Variants in KAT8 observed in about 807,000 individuals in gnomAD.
KAT8 encodes lysine acetyltransferase 8.
KAT8 carries 40 observed loss-of-function variants against 62.9 expected under a neutral mutation model. The observed-to-expected ratio is 0.64, with a 90% CI of 0.49 to 0.83. The LOEUF is 0.83. Ranked by LOEUF, KAT8 falls within the 40% of genes least tolerant of loss-of-function variation. KAT8 has a pLI of 0.00. For missense variants in KAT8, 387 were observed against 614.8 expected (o/e 0.63, Z 3.92); for synonymous variants, 278 against 254.5 (o/e 1.09, Z -0.88).
intron 10 of KAT8, 68 bp from the exon 11 acceptor site, chr16:31,131,127 G>A (rs2057575642): frequency 6.3e-7 from 1 of 1,598,442 alleles, no homozygotes; most frequent in Non-Finnish European, 8.5e-7. Flanking sequence ...TGAGCCCAGA[G>A]GAGGGCAGCC....
chr16:31,119,654 T>C (rs2057478546), intron 1 of KAT8, among the ~76,000 whole-genome samples: 1 of 152,064 alleles, frequency 6.6e-6, no homozygotes, highest in South Asian at 2.1e-4. Context: ...GTTCTTTTTT[T>C]TGAGACAGAG....
intron 3 of KAT8, chr16:31,125,858 G>A (rs1219625238): frequency 2.6e-5 from 4 of 152,252 alleles, no homozygotes; most frequent in Admixed American, 2.0e-4. Context: ...GGAGCAGGAT[G>A]TGTTGTGAGT....
In KAT8 at chr16:31,120,383, C is replaced by T. The variant is rs1384063066; in HGVS notation, c.331C>T (p.Leu111=). 6.2e-7 allele frequency: 1 copy of T among 1,614,070 alleles called. No individual in the cohort carries two copies. The highest frequency in any genetic ancestry group is 1.1e-5 in the South Asian group (1 of 91,084). ...DEWVDKNRLA[L]TKTVKDAVQK... ...GTGGGTAGACAAGAACCGGCTGGCG[C>T]TGACCAAGACAGTGAAGGATGCTGT... Residue 111 remains leucine, a synonymous_variant, in exon 3 of 11, where the codon CTG becomes TTG. Coordinates refer to ENST00000219797, the MANE Select transcript of KAT8 (RefSeq NM_032188.3).
Position 31,130,094 on chromosome 16 carries a change from C to T in KAT8, c.849C>T (p.Phe283=), listed in dbSNP as rs2057563435. ...CACTGTACTTTGACGTGGAGCCGTTCGTCTTTTACATCCTGACTGAGGTGG... is the reference window on the plus strand; with the variant it reads ...CACTGTACTTTGACGTGGAGCCGTTTGTCTTTTACATCCTGACTGAGGTGG... ...HKTLYFDVEP[F]VFYILTEVDR... Residue 283 remains phenylalanine, a synonymous_variant, in exon 7 of 11, where the codon TTC becomes TTT. Coordinates refer to ENST00000219797, the MANE Select transcript of KAT8 (RefSeq NM_032188.3). 4 of 1,602,084 alleles carry T rather than the reference C, an allele frequency of 2.5e-6. No homozygotes were observed. Among genetic ancestry groups the T allele is most frequent in the Non-Finnish European group, 3.4e-6 (4 of 1,174,064 alleles).
At position 31,130,010 on chromosome 16, in the gene KAT8, AC is replaced by A; in HGVS notation, c.772-4del. ...CCTGAGCCTGTCTCCCCCCTCCTCA[AC>A]CCTAGATTTACTGTCAGAACCTGTG... is the stretch of plus-strand genomic sequence containing the variant. On this transcript the variant is annotated splice_polypyrimidine_tract_variant and splice_region_variant and intron_variant, in intron 6 of 10. Coordinates refer to ENST00000219797, the MANE Select transcript of KAT8 (RefSeq NM_032188.3). 1 of 1,613,614 alleles carries A rather than the reference AC, an allele frequency of 6.2e-7. No homozygotes were observed. Among genetic ancestry groups the A allele is most frequent in the Non-Finnish European group, 8.5e-7 (1 of 1,179,888 alleles).
chr16:31,118,118 C>T (rs901174875), intron 1 of KAT8: 7 of 399,194 alleles, frequency 1.8e-5, no homozygotes, highest in Non-Finnish European at 2.7e-5. Flanking sequence ...ACAAACCCAC[C>T]GCTCAGGCCT....
chr16:31,127,950 C>A (rs1411963418), intron 5 of KAT8, 100 bp from the exon 6 acceptor site: 2 of 814,868 alleles, frequency 2.5e-6, no homozygotes, highest in Admixed American at 3.8e-5. Flanking sequence ...AGGGGGGAAA[C>A]AGAGAGGCAG....
chr16:31,118,540 C>G (rs1173557639), intron 1 of KAT8: 2 of 152,228 alleles, frequency 1.3e-5, no homozygotes, highest in Non-Finnish European at 2.9e-5. Flanking sequence ...AGCTTCATAT[C>G]CTTTGTGATG....
intron 6 of KAT8, among the ~76,000 whole-genome samples, chr16:31,128,522 T>C (rs528245604): frequency 6.6e-6 from 1 of 151,608 alleles, no homozygotes; most frequent in South Asian, 2.1e-4. Context: ...TCCAGCCTGG[T>C]CGTCAGATTG....
chr16:31,125,603 CA>C (rs61022736), intron 3 of KAT8: 1,710 of 64,002 alleles, frequency 0.027, 3 homozygotes, highest in African/African-American at 0.046. Flanking sequence ...GACTCCGTCT[CA>C]AAAAAAAAAA....
chr16:31,121,356 G>C (rs1207989951), intron 3 of KAT8, among the ~76,000 whole-genome samples: 1 of 151,972 alleles, frequency 6.6e-6, no homozygotes, highest in African/African-American at 2.4e-5. Flanking sequence ...CCTGACCTCA[G>C]GTGATCTGCC....
chr16:31,118,560 A>T (rs2057468451), intron 1 of KAT8: 1 of 152,054 alleles, frequency 6.6e-6, no homozygotes, highest in Non-Finnish European at 1.5e-5. Flanking sequence ...GTCATCCTTG[A>T]TTCCCCTTCA....
intron 1 of KAT8, among the ~76,000 whole-genome samples, chr16:31,119,615 T>A (rs1476972466): frequency 6.6e-6 from 1 of 152,170 alleles, no homozygotes; most frequent in East Asian, 1.9e-4. Context: ...TGACCCTAGG[T>A]AAGCCTCAGT....
chr16:31,125,640 T>G (rs1286743517), intron 3 of KAT8: 1 of 150,642 alleles, frequency 6.6e-6, no homozygotes, highest in Non-Finnish European at 1.5e-5. Context: ...TAACACTCTA[T>G]GTAAGGGTTA....
intron 6 of KAT8, among the ~76,000 whole-genome samples, chr16:31,128,864 G>A (rs566586840): frequency 5.0e-4 from 76 of 151,786 alleles, no homozygotes; most frequent in African/African-American, 1.7e-3. Flanking sequence ...CTTCAGCAGG[G>A]CAGGTTGGGG....
intron 6 of KAT8, among the ~76,000 whole-genome samples, chr16:31,128,616 C>G (rs187250978): frequency 2.6e-5 from 4 of 152,108 alleles, no homozygotes; most frequent in Non-Finnish European, 4.4e-5. Flanking sequence ...ATAGGAAACA[C>G]AGGGCCTTGT....
chr16:31,124,647 C>T (rs1292813268), intron 3 of KAT8, among the ~76,000 whole-genome samples: 1 of 150,090 alleles, frequency 6.7e-6, no homozygotes, highest in African/African-American at 2.5e-5. Context: ...GCAGGAGAAT[C>T]GCTTGAACCC....
rs1021214793 is a variant in KAT8, at chr16:31,129,937, G to C, written c.772-80G>C. On this transcript the variant is annotated intron_variant, in intron 6 of 10. Transcript: ENST00000219797. Reference sequence around the variant, plus strand: ...CCTGGCGAGGCGCCCACTTCGCGTGGGCTGGTGCCGGCCGCTGGAACCAGC... The same window carrying C: ...CCTGGCGAGGCGCCCACTTCGCGTGCGCTGGTGCCGGCCGCTGGAACCAGC... 2.0e-6 allele frequency: 3 copies of C among 1,525,610 alleles called. No homozygotes were observed. In the African/African-American group the frequency reaches 4.2e-5, roughly 21 times the overall value. 94.5% of individuals were successfully genotyped at this position (1,525,610 alleles called of 1,614,324 possible).
chr16:31,120,625 C>T (rs2057486049), intron 3 of KAT8, 111 bp downstream of exon 3: 1 of 997,540 alleles, frequency 1.0e-6, no homozygotes, highest in Non-Finnish European at 1.4e-6. Context: ...TTCTTAAGCT[C>T]CTGTAGTGTG....
Sources: gnomAD v4.1 joint callset for allele counts (sites outside exome capture counted in the v4.1 genomes callset) on GRCh38, gnomAD v4.1.1 for gene constraint, MANE v1.5 for transcripts, NCBI Gene and HGNC (gene_info 2026-07-23, HGNC 2026-07-21) for gene names.